Variants in SLC12A3 observed in about 807,000 individuals in gnomAD.
SLC12A3 encodes solute carrier family 12 member 3.
In SLC12A3, 104 loss-of-function variants were observed where a neutral mutation model predicts 121.0. That is an observed-to-expected ratio of 0.86 (90% CI 0.73 to 1.01). The LOEUF (loss-of-function observed/expected upper bound fraction) is 1.01, where lower values mean the gene tolerates loss of function less well. Ranked by LOEUF, SLC12A3 falls within the 50% of genes least tolerant of loss-of-function variation. SLC12A3 has a pLI of 0.00. For synonymous variants in SLC12A3, 536 were observed against 533.4 expected (o/e 1.00, Z -0.07); for missense variants, 1,328 against 1,356.3 (o/e 0.98, Z 0.33).
At chr16:56,874,167 G>A (rs1245529573) in intron 8 of SLC12A3, among the ~76,000 whole-genome samples, 44 of 152,208 alleles carry the variant, frequency 2.9e-4, no homozygotes, top group Non-Finnish European at 1.0e-4. Context: ...TTCCCTCCCA[G>A]CTCAGAGCCT....
chr16:56,867,156 C>T lies in SLC12A3; in HGVS notation c.369C>T (p.Gly123=). 6.2e-7 allele frequency: 1 copy of T among 1,613,978 alleles called. No homozygotes were observed. Among genetic ancestry groups the T allele is most frequent in the Non-Finnish European group, 8.5e-7 (1 of 1,179,986 alleles). ...MTDGLVEGEA[G]TSSEKNPEEP... is the part of the protein sequence containing the mutation. ...ATGGGCTGGTGGAGGGCGAGGCAGGCACCAGCAGCGAGAAGAACCCCGAGG... is the reference window on the plus strand; with the variant it reads ...ATGGGCTGGTGGAGGGCGAGGCAGGTACCAGCAGCGAGAAGAACCCCGAGG... Residue 123 remains glycine (G), a synonymous_variant, in exon 2 of 26, where the codon GGC becomes GGT. Coordinates refer to ENST00000563236, the MANE Select transcript of SLC12A3 (RefSeq NM_001126108.2).
At chr16:56,875,545 G>C (rs2055154797) in intron 8 of SLC12A3, among the ~76,000 whole-genome samples, 1 of 152,054 alleles carries the variant, frequency 6.6e-6, no homozygotes, top group African/African-American at 2.4e-5. Context: ...AAAACAGAGA[G>C]GCCTCAACTA....
At chr16:56,907,856 T>C (rs1045277991) in intron 25 of SLC12A3, among the ~76,000 whole-genome samples, 1 of 152,222 alleles carries the variant, frequency 6.6e-6, no homozygotes, top group Non-Finnish European at 1.5e-5. Flanking sequence ...TGGGGGGACA[T>C]GAATATTCAG....
chr16:56,873,927 G>C (rs996493864), intron 8 of SLC12A3, among the ~76,000 whole-genome samples: 1 of 152,036 alleles, frequency 6.6e-6, no homozygotes, highest in Non-Finnish European at 1.5e-5. Flanking sequence ...GGCCAGGCTG[G>C]TCTCGATCTC....
Position 56,899,595 on chromosome 16 carries a change from A to G in SLC12A3, c.2699A>G (p.Asn900Ser), listed in dbSNP as rs768842187. ...GAAGTCCACATCCTCCCTGACATCA[A>G]CCAGAACCCTCGGGCTGAGCAGTAA... ...FHEVHILPDI[N>S]QNPRAEHTKR... is the part of the protein sequence containing the mutation. Residue 900 changes from asparagine (N) to serine (S), a missense_variant, in exon 23 of 26, where the codon AAC becomes AGC. Coordinates refer to ENST00000563236, the MANE Select transcript of SLC12A3 (RefSeq NM_001126108.2). 3 of 1,613,894 alleles carry G rather than the reference A, an allele frequency of 1.9e-6. No homozygotes were observed. The highest frequency in any genetic ancestry group is 1.7e-6 in the Non-Finnish European group (2 of 1,179,744).
At chr16:56,901,347 C>CTTTTTTTTTTTTTTTTT (rs113592874) in intron 23 of SLC12A3, among the ~76,000 whole-genome samples, 1 of 128,886 alleles carries the variant, frequency 7.8e-6, no homozygotes, top group African/African-American at 3.3e-5. Flanking sequence ...CTCTCTCTCT[C>CTTTTTTTTTTTTTTTTT]TTTTTTTTTT....
rs780195899 is a variant in SLC12A3 at position 56,881,405 on chromosome 16, C to T, written c.1568-991C>T. ...CACCGGGGCCCAGAAACACATTTCC[C>T]TGCAATGTACCCTGATGCAGATTCG... On this transcript the variant is annotated intron_variant, in intron 12 of 25. Transcript: ENST00000563236. Among the ~76,000 whole-genome samples, 380 of 151,880 alleles carry T rather than the reference C, an allele frequency of 2.5e-3. 1 individual carries two copies. Among genetic ancestry groups the T allele is most frequent in the Non-Finnish European group, 4.4e-3 (300 of 68,008 alleles).
intron 10 of SLC12A3, 85 bp downstream of exon 10, chr16:56,879,312 G>C: frequency 1.3e-6 from 2 of 1,563,844 alleles, no homozygotes; most frequent in South Asian, 2.2e-5. Context: ...AAGTTTGTTG[G>C]GGGGACATAG....
intron 23 of SLC12A3, among the ~76,000 whole-genome samples, chr16:56,900,263 G>A (rs2055520079): frequency 6.6e-6 from 1 of 152,242 alleles, no homozygotes; most frequent in South Asian, 2.1e-4. Flanking sequence ...GTTAGGAGCT[G>A]TGCTTGGTGC....
intron 19 of SLC12A3, among the ~76,000 whole-genome samples, chr16:56,891,849 T>TG (rs1262550000): frequency 1.3e-5 from 2 of 151,338 alleles, no homozygotes; most frequent in African/African-American, 4.9e-5. Flanking sequence ...CGGCCCAAGG[T>TG]GGGGATGAAC....
intron 4 of SLC12A3, 95 bp downstream of exon 4, chr16:56,869,919 G>C: frequency 7.2e-7 from 1 of 1,379,994 alleles, no homozygotes; most frequent in Non-Finnish European, 1.0e-6. Flanking sequence ...GGTACACCCA[G>C]CCGCTCCTGT....
At chr16:56,885,057 G>A (rs578219386) in intron 14 of SLC12A3, among the ~76,000 whole-genome samples, 6 of 152,286 alleles carry the variant, frequency 3.9e-5, no homozygotes, top group Admixed American at 6.5e-5. Context: ...GTGAGCCACC[G>A]TGCCTGGCCT....
intron 25 of SLC12A3, among the ~76,000 whole-genome samples, chr16:56,912,959 T>G (rs1479761247): frequency 6.6e-6 from 1 of 151,164 alleles, no homozygotes; most frequent in African/African-American, 2.4e-5. Flanking sequence ...TTTTTAGGAA[T>G]GGAAAGAAAG....
chr16:56,874,756 G>T (rs895595458), intron 8 of SLC12A3, among the ~76,000 whole-genome samples: 6 of 152,220 alleles, frequency 3.9e-5, no homozygotes, highest in Non-Finnish European at 2.9e-5. Context: ...AGTGAGCCAA[G>T]ATGGCGCCAC....
chr16:56,892,267 G>A, intron 20 of SLC12A3, 134 bp downstream of exon 20: 2 of 772,324 alleles, frequency 2.6e-6, no homozygotes, highest in East Asian at 5.0e-5. Context: ...TTGTGACGGT[G>A]GTGCCTGAGT....
chr16:56,892,086 A>T lies in SLC12A3; in HGVS notation c.2372A>T (p.Asn791Ile). Reference sequence around the variant, plus strand: ...AAAGCTGCCTCTTCTTTTGCAGTTAACCCCGTGTTTGACCCAGCGGAGGAC... The same window carrying T: ...AAAGCTGCCTCTTCTTTTGCAGTTATCCCCGTGTTTGACCCAGCGGAGGAC... ...NVSKMMQAHI[N>I]PVFDPAEDGK... is the part of the protein sequence containing the mutation. Residue 791 changes from asparagine (N) to isoleucine (I), a missense_variant, in exon 20 of 26, where the codon AAC becomes ATC. Transcript: ENST00000563236. 2 of 1,613,118 alleles carry T rather than the reference A, an allele frequency of 1.2e-6. No individual in the cohort carries two copies. The highest frequency in any genetic ancestry group is 1.7e-6 in the Non-Finnish European group (2 of 1,179,272).
intron 25 of SLC12A3, among the ~76,000 whole-genome samples, chr16:56,908,629 A>G (rs1231007519): frequency 6.6e-6 from 1 of 152,206 alleles, no homozygotes; most frequent in Non-Finnish European, 1.5e-5. Context: ...TGCTGGTTGC[A>G]CACCCAGGAA....
chr16:56,881,998 G>A (rs1199040679), intron 12 of SLC12A3, among the ~76,000 whole-genome samples: 10 of 150,946 alleles, frequency 6.6e-5, no homozygotes, highest in East Asian at 5.8e-4. Context: ...GCAGTGAGCC[G>A]AGATCACGCC....
At chr16:56,883,432 C>G (rs751928017) in intron 13 of SLC12A3, among the ~76,000 whole-genome samples, 2 of 151,840 alleles carry the variant, frequency 1.3e-5, no homozygotes, top group Admixed American at 6.6e-5. Flanking sequence ...AGGCGCCCAC[C>G]ACCACGCCCA....
Sources: gnomAD v4.1 joint callset for allele counts (sites outside exome capture counted in the v4.1 genomes callset) on GRCh38, gnomAD v4.1.1 for gene constraint, MANE v1.5 for transcripts, NCBI Gene and HGNC (gene_info 2026-07-23, HGNC 2026-07-21) for gene names.